Variants in TBL1XR1 observed in about 807,000 individuals in gnomAD.
TBL1XR1 encodes the protein F-box-like/WD repeat-containing protein TBL1XR1.
Under a neutral mutation model 66.9 loss-of-function variants are expected in TBL1XR1, and 5 were observed. The observed-to-expected ratio is 0.07, with a 90% confidence interval of 0.04 to 0.16. The LOEUF is 0.16. TBL1XR1 is among the 10% of genes least tolerant of loss of function. The probability of loss-of-function intolerance (pLI) is 1.00; values close to 1 mark genes in which losing one functional copy is unlikely to be tolerated. For synonymous variants in TBL1XR1, 210 were observed against 206.0 expected, an observed-to-expected ratio of 1.02 and a Z score of -0.17; for missense variants, 238 against 623.2, an observed-to-expected ratio of 0.38 and a Z score of 6.58.
chr3:177,197,713 G>A (rs1737084887), upstream of TBL1XR1, among the ~76,000 whole-genome samples: 1 of 145,618 alleles, frequency 6.9e-6, no homozygotes, highest in African/African-American at 2.5e-5. Flanking sequence ...GGCGCGGCGG[G>A]GGGGCTCCAG....
At chr3:177,044,722 A>G (rs1716084964) in intron 10 of TBL1XR1, 1 of 152,208 alleles carries the variant, frequency 6.6e-6, no homozygotes, top group South Asian at 2.1e-4. Flanking sequence ...TACGATGGGT[A>G]AACTGAAGCT....
intron 9 of TBL1XR1, among the ~76,000 whole-genome samples, chr3:177,047,035 G>A (rs1716422675): frequency 6.6e-6 from 1 of 151,962 alleles, no homozygotes; most frequent in African/African-American, 2.4e-5. Flanking sequence ...ATTGTAGAAG[G>A]GAAGCAAAAA....
chr3:177,130,361 T>C (rs1177984349), intron 1 of TBL1XR1, among the ~76,000 whole-genome samples: 1 of 152,048 alleles, frequency 6.6e-6, no homozygotes, highest in Admixed American at 6.6e-5. Flanking sequence ...TAAAGTATTA[T>C]TCAGTCAAAA....
intron 2 of TBL1XR1, among the ~76,000 whole-genome samples, chr3:177,067,106 C>T (rs891327881): frequency 6.6e-6 from 1 of 152,126 alleles, no homozygotes; most frequent in Non-Finnish European, 1.5e-5. Flanking sequence ...CAGTAAGGTG[C>T]GGTATTGTGC....
chr3:177,139,602 C>G (rs1309522551), intron 1 of TBL1XR1, among the ~76,000 whole-genome samples: 3 of 150,350 alleles, frequency 2.0e-5, no homozygotes, highest in African/African-American at 7.3e-5. Flanking sequence ...TAACTAAACA[C>G]CAAATTCATT....
intron 1 of TBL1XR1, among the ~76,000 whole-genome samples, chr3:177,176,923 G>A (rs73171137): frequency 0.029 from 4,340 of 152,210 alleles, 71 homozygotes; most frequent in Non-Finnish European, 0.044. Flanking sequence ...AAGGCTGCAG[G>A]AGGCAGTGAT....
intron 10 of TBL1XR1, among the ~76,000 whole-genome samples, chr3:177,044,258 G>A (rs1363933569): frequency 6.6e-6 from 1 of 152,080 alleles, no homozygotes; most frequent in Non-Finnish European, 1.5e-5. Context: ...ATATGATATG[G>A]TTAATCTTTG....
intron 5 of TBL1XR1, 136 bp downstream of exon 5, chr3:177,051,368 G>T (rs1717063252): frequency 6.9e-6 from 5 of 728,236 alleles, no homozygotes; most frequent in Non-Finnish European, 1.1e-5. Context: ...CCTGGGTGAT[G>T]AAATAGTCTG....
rs550554374 is a variant in TBL1XR1 at position 177,040,904 on chromosome 3, T to A, written c.926-2470A>T. Among the ~76,000 whole-genome samples, 538 of 152,338 alleles carry A rather than the reference T, an allele frequency of 3.5e-3. 2 individuals are homozygous for A. Among genetic ancestry groups the A allele is most frequent in the African/African-American group, 0.012 (510 of 41,578 alleles). On this transcript the variant is annotated intron_variant, in intron 10 of 15. Coordinates refer to ENST00000457928, the MANE Select transcript of TBL1XR1 (RefSeq NM_024665.7). Reference sequence around the variant, plus strand: ...GAAAAGATTTAATGGGAACTTACTATGGAGGTTACATGAAATTTCAAATAA... The same window carrying A: ...GAAAAGATTTAATGGGAACTTACTAAGGAGGTTACATGAAATTTCAAATAA...
chr3:177,021,634 T>C lies in TBL1XR1; in HGVS notation c.*3864A>G, dbSNP rs1712381314. ...GTAATTCATAACTTCCCTACCCTCCTTCCATCCCTGCTGATTCAGGAGAAG... is the reference window on the plus strand; with the variant it reads ...GTAATTCATAACTTCCCTACCCTCCCTCCATCCCTGCTGATTCAGGAGAAG... On this transcript the variant is annotated 3_prime_UTR_variant, in exon 16 of 16. Coordinates refer to ENST00000457928, the MANE Select transcript of TBL1XR1 (RefSeq NM_024665.7). 6.6e-6 allele frequency: 1 copy of C among 152,544 alleles called. No homozygotes were observed. Among genetic ancestry groups the C allele is most frequent in the African/African-American group, 2.4e-5 (1 of 41,434 alleles). The allele number at this position is 152,544 out of a possible 1,614,324, so 9.4% of individuals were successfully genotyped here. A position where few individuals can be genotyped will look rare whatever the true frequency, so the allele number is the denominator to read the frequency against.
intron 2 of TBL1XR1, among the ~76,000 whole-genome samples, chr3:177,081,701 G>A: frequency 6.7e-6 from 1 of 148,338 alleles, no homozygotes; most frequent in East Asian, 2.0e-4. Flanking sequence ...TGACTGCGCT[G>A]CATGCACTCC....
chr3:177,187,943 CTTTT>C lies in TBL1XR1; in HGVS notation c.-122+9174_-122+9177del, dbSNP rs571361204. Among the ~76,000 whole-genome samples the C allele has an allele frequency of 6.9e-4, 54 of 77,820 alleles. No individual in the cohort carries two copies. The East Asian group carries it at 0.017, about 24-fold the overall frequency. 51.1% of individuals were successfully genotyped at this position (77,820 alleles called of 152,430 possible). On this transcript the variant is annotated intron_variant, in intron 1 of 15. Coordinates refer to ENST00000457928, the MANE Select transcript of TBL1XR1 (RefSeq NM_024665.7). ...GCTTGAGAGTCCAGAGTACAATTTC[CTTTT>C]TTTTTTTTTTTTTTTTTTTTGAGAT...
At chr3:177,146,702 C>G (rs1180200981) in intron 1 of TBL1XR1, among the ~76,000 whole-genome samples, 1 of 151,454 alleles carries the variant, frequency 6.6e-6, no homozygotes, top group East Asian at 1.9e-4. Flanking sequence ...TTCCAAAACC[C>G]AAACTATCAC....
intron 10 of TBL1XR1, among the ~76,000 whole-genome samples, chr3:177,044,643 TAC>T (rs1716071742): frequency 6.6e-6 from 1 of 152,168 alleles, no homozygotes; most frequent in Admixed American, 6.6e-5. Flanking sequence ...GTAAAATACA[TAC>T]AGTTCATTTT....
At chr3:177,092,970 A>C (rs1560166643) in intron 2 of TBL1XR1, among the ~76,000 whole-genome samples, 1 of 152,128 alleles carries the variant, frequency 6.6e-6, no homozygotes, top group Non-Finnish European at 1.5e-5. Context: ...AGCCAGAGCA[A>C]TCAGACAAGA....
chr3:177,120,602 A>G (rs1726872133), intron 1 of TBL1XR1: 1 of 152,234 alleles, frequency 6.6e-6, no homozygotes. Context: ...CTTAAAATCA[A>G]AGGTCACGTG....
At chr3:177,198,865 G>GACAC (rs57636923), upstream of TBL1XR1, among the ~76,000 whole-genome samples, 2,449 of 148,132 alleles carry the variant, frequency 0.017, 27 homozygotes, top group Non-Finnish European at 0.024. Context: ...GAAGTTTTGC[G>GACAC]ACACACACAC....
intron 2 of TBL1XR1, among the ~76,000 whole-genome samples, chr3:177,082,979 C>T (rs968707315): frequency 2.7e-4 from 41 of 151,332 alleles, no homozygotes; most frequent in Admixed American, 2.7e-3. Context: ...AGGATGGTCT[C>T]GATCTCCTGA....
At chr3:177,111,186 T>A (rs62296572) in intron 1 of TBL1XR1, among the ~76,000 whole-genome samples, 9,189 of 151,990 alleles carry the variant, frequency 0.06, 374 homozygotes, top group South Asian at 0.17. Context: ...CAGGTAGGTA[T>A]GCAAAGGGCA....
Sources: gnomAD v4.1 joint callset for allele counts (sites outside exome capture counted in the v4.1 genomes callset) on GRCh38, gnomAD v4.1.1 for gene constraint, MANE v1.5 for transcripts, NCBI Gene and HGNC (gene_info 2026-07-23, HGNC 2026-07-21) for gene names.